Variants in ITSN2 observed in about 807,000 individuals in gnomAD.
ITSN2 encodes the protein intersectin 2.
In ITSN2, 156 loss-of-function variants were observed where a neutral mutation model predicts 243.7. That is an observed-to-expected ratio of 0.64 (90% CI 0.56 to 0.73). The LOEUF (loss-of-function observed/expected upper bound fraction) is 0.73, where lower values mean the gene tolerates loss of function less well. Among genes scored for constraint, ITSN2 ranks in the 30% least tolerant of loss-of-function variants. The pLI, the probability that ITSN2 is intolerant of heterozygous loss-of-function variation, is 0.00. For synonymous variants in ITSN2, 703 were observed against 699.9 expected, an observed-to-expected ratio of 1.00 and a Z score of -0.07; for missense variants, 1,801 against 1,996.1, an observed-to-expected ratio of 0.90 and a Z score of 1.86.
chr2:24,346,374 T>C (rs1315446500), intron 1 of ITSN2, among the ~76,000 whole-genome samples: 2 of 152,196 alleles, frequency 1.3e-5, no homozygotes, highest in Admixed American at 6.5e-5. Flanking sequence ...TTACAATATA[T>C]TTATATATCT....
intron 17 of ITSN2, among the ~76,000 whole-genome samples, chr2:24,278,645 C>CTTTTTTTTTTTTTTTTT (rs908928502): frequency 9.7e-6 from 1 of 103,008 alleles, no homozygotes; most frequent in Non-Finnish European, 1.8e-5. Context: ...TGTTCTCAAT[C>CTTTTTTTTTTTTTTTTT]TTTTTTTTTT....
chr2:24,302,599 T>G (rs1397850998), intron 9 of ITSN2, among the ~76,000 whole-genome samples: 3 of 152,192 alleles, frequency 2.0e-5, no homozygotes, highest in African/African-American at 7.2e-5. Flanking sequence ...CACTATTGAA[T>G]GTAAGTATGT....
In ITSN2 at chr2:24,208,308, A is replaced by C. The variant is rs1573851164; in HGVS notation, c.4607T>G (p.Val1536Gly). Residue 1536 changes from valine to glycine, a missense_variant, in exon 37 of 40, where the codon GTG (valine) becomes GGG (glycine). This residue lies in a region of ITSN2 where 928 missense variants were observed against 1,065.4 expected (regional missense o/e 0.87). Transcript: ENST00000355123. ...TDNINERTAW[V>G]QKIKAASEQY... The stretch of plus-strand genomic sequence containing the variant: ...CTCAGACGCCGCCTTGATCTTCTGC[A>C]CCCAGGCGGTCCTACGGGAGAAGCA... 1 of 1,611,910 alleles carries C rather than the reference A, an allele frequency of 6.2e-7. No individual in the cohort carries two copies. The highest frequency in any genetic ancestry group is 8.5e-7 in the Non-Finnish European group (1 of 1,179,722).
At chr2:24,272,240 G>A (rs1198512930) in intron 18 of ITSN2, among the ~76,000 whole-genome samples, 12 of 152,012 alleles carry the variant, frequency 7.9e-5, no homozygotes. Flanking sequence ...AAAAGAAAAA[G>A]GTTGAAATGG....
At chr2:24,328,451 A>G (rs1252530387) in intron 1 of ITSN2, among the ~76,000 whole-genome samples, 2 of 152,190 alleles carry the variant, frequency 1.3e-5, no homozygotes, top group Non-Finnish European at 2.9e-5. Flanking sequence ...ATATAAGAAT[A>G]ACATGGAAAT....
intron 19 of ITSN2, 107 bp downstream of exon 19, chr2:24,271,659 C>T: frequency 7.4e-7 from 1 of 1,356,692 alleles, no homozygotes; most frequent in Non-Finnish European, 9.6e-7. Flanking sequence ...TTTTTTCTGA[C>T]TCTACAATTA....
intron 37 of ITSN2, 52 bp from the exon 38 acceptor site, chr2:24,205,349 CCTGT>C: frequency 1.3e-6 from 2 of 1,502,194 alleles, no homozygotes; most frequent in Non-Finnish European, 1.9e-6. Context: ...GGATGCAGAC[CCTGT>C]CTTTCAAACC....
At chr2:24,340,884 A>C (rs1369840926) in intron 1 of ITSN2, among the ~76,000 whole-genome samples, 1 of 152,138 alleles carries the variant, frequency 6.6e-6, no homozygotes, top group African/African-American at 2.4e-5. Flanking sequence ...AAAATATATA[A>C]GAAGACTGGT....
chr2:24,224,902 T>A (rs1310822440), intron 29 of ITSN2, among the ~76,000 whole-genome samples: 4 of 152,208 alleles, frequency 2.6e-5, no homozygotes, highest in Non-Finnish European at 5.9e-5. Flanking sequence ...AGTGCTGGGA[T>A]TACAGGCGTG....
At chr2:24,361,135 C>T (rs1176174206), upstream of ITSN2, among the ~76,000 whole-genome samples, 1 of 152,172 alleles carries the variant, frequency 6.6e-6, no homozygotes, top group Non-Finnish European at 1.5e-5. Flanking sequence ...CGCGGAGCGC[C>T]CACGAGGAGC....
At chr2:24,269,663 G>A (rs999055335) in intron 20 of ITSN2, among the ~76,000 whole-genome samples, 2 of 152,168 alleles carry the variant, frequency 1.3e-5, no homozygotes, top group African/African-American at 2.4e-5. Flanking sequence ...GCCTACAAGC[G>A]TGTTAAGAGC....
chr2:24,272,424 CT>C lies in ITSN2; in HGVS notation c.2082-484del, dbSNP rs528083155. Reference sequence around the variant, plus strand: ...GAAATGCTTCTAGAAAAACAACCTACTTTTTTTTTTTTTTTTTTTTTTAAAG... The same window carrying C: ...GAAATGCTTCTAGAAAAACAACCTACTTTTTTTTTTTTTTTTTTTTTAAAG... On this transcript the variant is annotated intron_variant, in intron 18 of 39. Transcript: ENST00000355123. Among the ~76,000 whole-genome samples, 462 of 123,398 alleles carry C rather than the reference CT, an allele frequency of 3.7e-3. 10 individuals carry two copies. The highest frequency in any genetic ancestry group is 2.7e-3 in the Admixed American group (33 of 12,220). The allele number at this position is 123,398 out of a possible 152,430, so 81.0% of individuals were successfully genotyped here.
At chr2:24,293,574 CAA>C (rs996962674) in intron 15 of ITSN2, 112 bp downstream of exon 15, 2 of 459,578 alleles carry the variant, frequency 4.4e-6, no homozygotes, top group African/African-American at 4.1e-5. Context: ...AACTTACAGG[CAA>C]AAAGTGTTAT....
intron 16 of ITSN2, among the ~76,000 whole-genome samples, chr2:24,285,717 G>C (rs1679414777): frequency 6.6e-6 from 1 of 152,144 alleles, no homozygotes; most frequent in South Asian, 2.1e-4. Flanking sequence ...TCATTAACTT[G>C]CTTTTTGTGC....
intron 2 of ITSN2, among the ~76,000 whole-genome samples, chr2:24,318,990 C>T (rs975304306): frequency 6.6e-6 from 1 of 152,174 alleles, no homozygotes; most frequent in Non-Finnish European, 1.5e-5. Flanking sequence ...ATCTGGGTTG[C>T]ATGCTCCTTA....
intron 15 of ITSN2, chr2:24,293,482 T>G (rs1480274714): frequency 2.9e-6 from 1 of 343,314 alleles, no homozygotes; most frequent in Non-Finnish European, 5.3e-6. Flanking sequence ...ACCACAATCA[T>G]TACTATTTTA....
intron 8 of ITSN2, 100 bp downstream of exon 8, chr2:24,308,517 G>A (rs537844895): frequency 1.4e-5 from 10 of 730,238 alleles, no homozygotes; most frequent in Admixed American, 1.3e-4. Flanking sequence ...ATGTTAAAAT[G>A]TCAGATGAGC....
intron 8 of ITSN2, among the ~76,000 whole-genome samples, chr2:24,305,330 G>C (rs977158421): frequency 6.6e-6 from 1 of 152,042 alleles, no homozygotes; most frequent in Admixed American, 6.6e-5. Context: ...GGACAGGCGC[G>C]GTAGCTCACG....
chr2:24,360,490 C>A lies in ITSN2; in HGVS notation c.-220G>T, dbSNP rs932598385. The A allele has an allele frequency of 1.3e-5, 2 of 152,012 alleles. No homozygotes were observed. The highest frequency in any genetic ancestry group is 4.8e-5 in the African/African-American group (2 of 41,360). 9.4% of individuals were successfully genotyped at this position (152,012 alleles called of 1,614,324 possible). ...AGCCTGTCACAGCCGCTCAGGGCTC[C>A]GCCGGCGCCGCCTCAGCCCCACAAC... is the stretch of plus-strand genomic sequence containing the variant. On this transcript the variant is annotated 5_prime_UTR_variant, in exon 1 of 40. Coordinates refer to ENST00000355123, the MANE Select transcript of ITSN2 (RefSeq NM_006277.3).
Sources: gnomAD v4.1 joint callset for allele counts (sites outside exome capture counted in the v4.1 genomes callset) on GRCh38, gnomAD v4.1.1 for gene constraint, gnomAD v4.1.1 regional missense constraint, MANE v1.5 for transcripts, NCBI Gene and HGNC (gene_info 2026-07-23, HGNC 2026-07-21) for gene names.